Variants in RBFOX1 observed in about 807,000 individuals in gnomAD.
RBFOX1 encodes the protein RNA binding fox-1 homolog 1, also known as RNA binding protein fox-1 homolog 1.
In RBFOX1, 8 loss-of-function variants were observed where a neutral mutation model predicts 57.7. The ratio of observed to expected loss-of-function variants is 0.14; its 90% CI spans 0.08 to 0.25. The LOEUF (loss-of-function observed/expected upper bound fraction) is 0.25, where lower values mean the gene tolerates loss of function less well. RBFOX1 is among the 10% of genes least tolerant of loss of function. RBFOX1 has a pLI of 1.00. For synonymous variants in RBFOX1, 326 were observed against 222.4 expected (o/e 1.47, Z -4.15); for missense variants, 611 against 548.5 (o/e 1.11, Z -1.14).
chr16:5,683,142 G>T (rs548613388), intron 3 of RBFOX1, among the ~76,000 whole-genome samples: 1 of 151,982 alleles, frequency 6.6e-6, no homozygotes, highest in Middle Eastern at 3.4e-3. Flanking sequence ...GTGTGTGTTG[G>T]GGGTGGAGGT....
At chr16:6,835,489 C>T (rs1238542681) in intron 3 of RBFOX1, among the ~76,000 whole-genome samples, 21 of 151,972 alleles carry the variant, frequency 1.4e-4, no homozygotes, top group Non-Finnish European at 2.5e-4. Context: ...GTGGTGGTCA[C>T]GCCTGCAATC....
At chr16:5,432,901 TCAGC>T (rs1275656507) in intron 1 of RBFOX1, among the ~76,000 whole-genome samples, 29 of 152,284 alleles carry the variant, frequency 1.9e-4, no homozygotes, top group Non-Finnish European at 3.8e-4. Context: ...TCCTCCCATC[TCAGC>T]CTCCTGAGTA....
At chr16:5,444,662 A>G (rs1271105919) in intron 1 of RBFOX1, among the ~76,000 whole-genome samples, 1 of 152,158 alleles carries the variant, frequency 6.6e-6, no homozygotes, top group African/African-American at 2.4e-5. Context: ...GAATGGCCAG[A>G]GGGAATTTTT....
intron 3 of RBFOX1, among the ~76,000 whole-genome samples, chr16:7,047,804 T>C (rs1416503542): frequency 6.7e-6 from 1 of 149,270 alleles, no homozygotes; most frequent in Non-Finnish European, 1.5e-5. Context: ...TGTACTCAAG[T>C]TTACTTCTTT....
chr16:5,603,658 A>C (rs941351512), downstream of RBFOX1, among the ~76,000 whole-genome samples: 1 of 152,150 alleles, frequency 6.6e-6, no homozygotes, highest in Non-Finnish European at 1.5e-5. Flanking sequence ...AGAAAAAATG[A>C]GGGTCTTTGC....
intron 4 of RBFOX1, among the ~76,000 whole-genome samples, chr16:7,416,506 G>C (rs1026602729): frequency 6.6e-6 from 1 of 152,290 alleles, no homozygotes; most frequent in East Asian, 1.9e-4. Flanking sequence ...TGGGAGGGGG[G>C]CCTTGTAGAC....
At position 6,098,690 on chromosome 16, in the gene RBFOX1, T is replaced by C. The variant is rs189169051; in HGVS notation, c.-127+78698T>C. Among the ~76,000 whole-genome samples, 85 of 152,358 alleles carry C rather than the reference T, an allele frequency of 5.6e-4. 1 individual carries two copies. In the East Asian group the frequency reaches 8.7e-3, roughly 16 times the overall value. The stretch of plus-strand genomic sequence containing the variant: ...TTCATTTCCACCAAAAAGCTCATCA[T>C]CTGAGACCCTTACTACGGGTACAGA... On this transcript the variant is annotated intron_variant, in intron 1 of 15. Coordinates refer to ENST00000550418, the MANE Select transcript of RBFOX1 (RefSeq NM_018723.4).
chr16:6,969,098 A>G (rs1207416567), intron 3 of RBFOX1, among the ~76,000 whole-genome samples: 1 of 152,086 alleles, frequency 6.6e-6, no homozygotes, highest in African/African-American at 2.4e-5. Context: ...ACCTTCTCCT[A>G]ATGCATTGGT....
intron 3 of RBFOX1, among the ~76,000 whole-genome samples, chr16:6,694,673 G>A (rs79464768): frequency 0.046 from 6,932 of 152,220 alleles, 254 homozygotes; most frequent in Middle Eastern, 0.085. Flanking sequence ...CCACATGGTA[G>A]CAAGATGGCC....
At chr16:5,363,626 G>C (rs1162960635) in intron 1 of RBFOX1, among the ~76,000 whole-genome samples, 1 of 152,122 alleles carries the variant, frequency 6.6e-6, no homozygotes, top group Non-Finnish European at 1.5e-5. Context: ...AGACTAGGTA[G>C]GTAGCACCTT....
At chr16:6,275,193 C>T (rs544094952) in intron 1 of RBFOX1, among the ~76,000 whole-genome samples, 1 of 152,116 alleles carries the variant, frequency 6.6e-6, no homozygotes, top group South Asian at 2.1e-4. Flanking sequence ...CGCCTGTAGT[C>T]CCAGCTACTC....
intron 3 of RBFOX1, among the ~76,000 whole-genome samples, chr16:5,856,706 T>C (rs1482482424): frequency 6.6e-6 from 1 of 150,738 alleles, no homozygotes; most frequent in African/African-American, 2.4e-5. Flanking sequence ...TTAAACCTCA[T>C]GAGCCAGGCT....
At chr16:7,197,454 A>C (rs562462480) in intron 4 of RBFOX1, among the ~76,000 whole-genome samples, 25 of 151,392 alleles carry the variant, frequency 1.7e-4, no homozygotes, top group Admixed American at 1.1e-3. Flanking sequence ...AAAAAAAAAA[A>C]AAAAAAAACA....
intron 4 of RBFOX1, among the ~76,000 whole-genome samples, chr16:7,357,524 C>A (rs944822723): frequency 9.2e-5 from 14 of 152,152 alleles, no homozygotes; most frequent in Admixed American, 7.2e-4. Flanking sequence ...GAAATGAAAT[C>A]CAACCACCTC....
At chr16:6,694,101 A>C (rs563540666) in intron 3 of RBFOX1, among the ~76,000 whole-genome samples, 1 of 152,346 alleles carries the variant, frequency 6.6e-6, no homozygotes, top group African/African-American at 2.4e-5. Flanking sequence ...TTCAACACCC[A>C]GGTTTGGAGA....
At chr16:6,187,060 C>T (rs567984074) in intron 1 of RBFOX1, among the ~76,000 whole-genome samples, 1 of 152,218 alleles carries the variant, frequency 6.6e-6, no homozygotes, top group South Asian at 2.1e-4. Context: ...TGTTTTTGAG[C>T]ATCAGTTATC....
At chr16:5,796,703 A>C (rs2054890924) in intron 3 of RBFOX1, among the ~76,000 whole-genome samples, 1 of 152,200 alleles carries the variant, frequency 6.6e-6, no homozygotes, top group South Asian at 2.1e-4. Context: ...GAAGACACTG[A>C]GGCACAGAGA....
At chr16:7,540,775 C>G (rs987550968) in intron 5 of RBFOX1, among the ~76,000 whole-genome samples, 5 of 152,158 alleles carry the variant, frequency 3.3e-5, no homozygotes, top group African/African-American at 7.2e-5. Context: ...TGTTGTCATC[C>G]CAGCACTCAT....
At chr16:6,772,759 G>C (rs1036379837) in intron 3 of RBFOX1, among the ~76,000 whole-genome samples, 8 of 151,112 alleles carry the variant, frequency 5.3e-5, no homozygotes, top group African/African-American at 1.9e-4. Context: ...ATTTGTGTGT[G>C]TGTGCATATG....
Sources: allele counts gnomAD v4.1 joint callset (sites outside exome capture counted in the v4.1 genomes callset), GRCh38; gene constraint gnomAD v4.1.1; transcripts MANE v1.5; gene names NCBI Gene and HGNC (gene_info 2026-07-23, HGNC 2026-07-21).